The following KCNB2 variants were observed in gnomAD, a reference collection of about 807,000 sequenced individuals.
KCNB2 encodes the protein potassium voltage-gated channel subfamily B member 2, also known as delayed rectifier potassium channel protein.
A neutral mutation model predicts 61.5 loss-of-function variants in KCNB2; 15 were observed. That is an observed-to-expected ratio of 0.24 (90% CI 0.16 to 0.38). The LOEUF (loss-of-function observed/expected upper bound fraction) is 0.38. Among genes scored for constraint, KCNB2 ranks in the 10% least tolerant of loss-of-function variants. The pLI is 1.00. For synonymous variants in KCNB2, 457 were observed against 446.0 expected (o/e 1.02, Z -0.31); for missense variants, 828 against 1,125.2 (o/e 0.74, Z 3.78).
chr8:72,843,722 G>A (rs1358899141), intron 2 of KCNB2, among the ~76,000 whole-genome samples: 1 of 152,026 alleles, frequency 6.6e-6, no homozygotes, highest in African/African-American at 2.4e-5. Context: ...ATCTTTGTTG[G>A]TTTAATGTCT....
chr8:72,874,514 A>G (rs1201896921), intron 2 of KCNB2, among the ~76,000 whole-genome samples: 1 of 152,216 alleles, frequency 6.6e-6, no homozygotes, highest in Non-Finnish European at 1.5e-5. Flanking sequence ...AAGCTTTGGA[A>G]ATGCATCACA....
chr8:72,672,634 C>T (rs1806583692), intron 2 of KCNB2, among the ~76,000 whole-genome samples: 2 of 147,700 alleles, frequency 1.4e-5, no homozygotes, highest in Admixed American at 1.4e-4. Context: ...CAAAAGAGCT[C>T]TTTTTTTTTT....
chr8:72,919,622 G>T (rs1806467921), intron 2 of KCNB2, among the ~76,000 whole-genome samples: 1 of 152,174 alleles, frequency 6.6e-6, no homozygotes, highest in Non-Finnish European at 1.5e-5. Flanking sequence ...ATGATGGAGT[G>T]ACCATATGTA....
At chr8:72,570,042 C>G (rs775999199) in intron 2 of KCNB2, among the ~76,000 whole-genome samples, 6 of 152,024 alleles carry the variant, frequency 3.9e-5, no homozygotes, top group African/African-American at 1.4e-4. Flanking sequence ...AGAATAAGGT[C>G]AACAACCTGA....
In KCNB2 at chr8:72,758,734, C is replaced by T. The variant is rs78007606; in HGVS notation, c.580-177201C>T. 1.8e-3 allele frequency among the ~76,000 whole-genome samples: 269 copies of T among 152,276 alleles called. 2 individuals are homozygous for T. The East Asian group carries it at 0.02, about 12-fold the overall frequency. On this transcript the variant is annotated intron_variant, in intron 2 of 2. Coordinates refer to ENST00000523207, the MANE Select transcript of KCNB2 (RefSeq NM_004770.3). The stretch of plus-strand genomic sequence containing the variant: ...AGCTGAAGTTCTAGCGGTACTTTTG[C>T]AGTGAGTACCTAATGCTTAAATAGT...
chr8:72,920,457 C>CTATATATATATATATATATATA lies in KCNB2; in HGVS notation c.580-15475_580-15474insATATATATATATATATATATAT, dbSNP rs1286454103. On this transcript the variant is annotated intron_variant, in intron 2 of 2. Transcript: ENST00000523207. ...CTCTCCACTATATCTATCTATCTAT[C>CTATATATATATATATATATATA]TATCTATCTATCTATCTATATATAT... is the stretch of plus-strand genomic sequence containing the variant. Among the ~76,000 whole-genome samples the CTATATATATATATATATATATA allele has an allele frequency of 1.6e-4, 11 of 68,452 alleles. 1 individual carries two copies. Among genetic ancestry groups the CTATATATATATATATATATATA allele is most frequent in the East Asian group, 2.6e-4 (1 of 3,798 alleles). The allele number at this position is 68,452 out of a possible 152,430, so 44.9% of individuals were successfully genotyped here. A position where few individuals can be genotyped will look rare whatever the true frequency, so the allele number is the denominator to read the frequency against.
At chr8:72,659,938 G>C (rs1017692940) in intron 2 of KCNB2, among the ~76,000 whole-genome samples, 1 of 152,072 alleles carries the variant, frequency 6.6e-6, no homozygotes, top group African/African-American at 2.4e-5. Context: ...TTACTTTATC[G>C]TGGTGATCTG....
chr8:72,564,960 A>G (rs1414581323), intron 1 of KCNB2, among the ~76,000 whole-genome samples: 1 of 152,202 alleles, frequency 6.6e-6, no homozygotes. Flanking sequence ...TGTAATGAGC[A>G]TTTCACATAA....
chr8:72,865,544 A>T (rs1458907618), intron 2 of KCNB2, among the ~76,000 whole-genome samples: 2 of 152,238 alleles, frequency 1.3e-5, no homozygotes, highest in Non-Finnish European at 2.9e-5. Flanking sequence ...GATGATAATC[A>T]TTATAAAATC....
chr8:72,921,919 T>C (rs1585977147), intron 2 of KCNB2, among the ~76,000 whole-genome samples: 1 of 152,236 alleles, frequency 6.6e-6, no homozygotes, highest in Non-Finnish European at 1.5e-5. Context: ...GAAAGGAATG[T>C]ATGAAATGGC....
chr8:72,867,799 T>C (rs1205170344), intron 2 of KCNB2, among the ~76,000 whole-genome samples: 1 of 152,184 alleles, frequency 6.6e-6, no homozygotes, highest in Non-Finnish European at 1.5e-5. Context: ...AATCTTTTTT[T>C]CTTTTATGTC....
In KCNB2 at chr8:72,700,203, G is replaced by A. The variant is rs554850774; in HGVS notation, c.579+131890G>A. Among the ~76,000 whole-genome samples the A allele has an allele frequency of 6.6e-5, 10 of 152,084 alleles. No homozygotes were observed. The East Asian group carries it at 1.9e-3, about 29-fold the overall frequency. On this transcript the variant is annotated intron_variant, in intron 2 of 2. Transcript: ENST00000523207. ...CACACCAGGTTCTGTTGGGGTTTGG[G>A]GGGCAAGGGGAGGGAGACCATTAGG...
intron 2 of KCNB2, among the ~76,000 whole-genome samples, chr8:72,691,699 T>G (rs528534740): frequency 9.6e-4 from 146 of 152,352 alleles, no homozygotes; most frequent in Non-Finnish European, 1.9e-3. Context: ...GAATGCAGCT[T>G]CATTGTCATG....
chr8:72,587,176 A>C lies in KCNB2; in HGVS notation c.579+18863A>C, dbSNP rs547796156. ...CTTTGTGAACTTGATGAAACAGGTCATCAAAGCGTGGCTGCTTCAGGACCT... is the reference window on the plus strand; with the variant it reads ...CTTTGTGAACTTGATGAAACAGGTCCTCAAAGCGTGGCTGCTTCAGGACCT... On this transcript the variant is annotated intron_variant, in intron 2 of 2. Coordinates refer to ENST00000523207, the MANE Select transcript of KCNB2 (RefSeq NM_004770.3). Among the ~76,000 whole-genome samples the C allele has an allele frequency of 8.5e-5, 13 of 152,338 alleles. No individual in the cohort carries two copies. The South Asian group carries it at 2.7e-3, about 32-fold the overall frequency.
chr8:72,636,174 G>T (rs2128985336), intron 2 of KCNB2, among the ~76,000 whole-genome samples: 1 of 152,252 alleles, frequency 6.6e-6, no homozygotes, highest in African/African-American at 2.4e-5. Flanking sequence ...GTCTATCCCA[G>T]TGTCTCTGAA....
intron 2 of KCNB2, among the ~76,000 whole-genome samples, chr8:72,590,978 A>G (rs1198792821): frequency 6.6e-6 from 1 of 152,222 alleles, no homozygotes; most frequent in Non-Finnish European, 1.5e-5. Context: ...CAAAGGACTA[A>G]TGAAGTAAAG....
At chr8:72,858,355 C>T (rs1007590247) in intron 2 of KCNB2, among the ~76,000 whole-genome samples, 1 of 151,806 alleles carries the variant, frequency 6.6e-6, no homozygotes, top group African/African-American at 2.4e-5. Flanking sequence ...TTAGAGGAAA[C>T]CATAATCAAG....
At chr8:72,543,581 G>A (rs1247452575) in intron 1 of KCNB2, among the ~76,000 whole-genome samples, 10 of 152,198 alleles carry the variant, frequency 6.6e-5, no homozygotes, top group South Asian at 2.1e-4. Flanking sequence ...TCCCAAAATC[G>A]TGAGCAAATC....
chr8:72,869,130 A>G (rs1210660914), intron 2 of KCNB2, among the ~76,000 whole-genome samples: 1 of 152,202 alleles, frequency 6.6e-6, no homozygotes, highest in Non-Finnish European at 1.5e-5. Context: ...AGGAAGCTGC[A>G]CAGAGATAAG....
Sources: allele counts gnomAD v4.1 joint callset (sites outside exome capture counted in the v4.1 genomes callset), GRCh38; gene constraint gnomAD v4.1.1; transcripts MANE v1.5; gene names NCBI Gene and HGNC (gene_info 2026-07-23, HGNC 2026-07-21).